CADM2: variants seen among roughly 807,000 people sequenced by gnomAD.
CADM2 encodes immunoglobulin superfamily member 4D.
A neutral mutation model predicts 49.8 loss-of-function variants in CADM2; 12 were observed. The observed-to-expected ratio is 0.24, with a 90% CI of 0.15 to 0.39. The LOEUF is 0.39. Among genes scored for constraint, CADM2 ranks in the 10% least tolerant of loss-of-function variants. CADM2 has a pLI of 1.00. For missense variants in CADM2, 378 were observed against 492.3 expected (o/e 0.77, Z 2.20); for synonymous variants, 214 against 175.4 (o/e 1.22, Z -1.74).
chr3:85,567,143 A>G (rs747873611), intron 1 of CADM2, among the ~76,000 whole-genome samples: 4 of 152,188 alleles, frequency 2.6e-5, no homozygotes, highest in Non-Finnish European at 4.4e-5. Context: ...AGTGTTGACA[A>G]TAAAATGGGT....
chr3:85,291,694 C>T (rs2043801915), intron 1 of CADM2, among the ~76,000 whole-genome samples: 1 of 146,638 alleles, frequency 6.8e-6, no homozygotes, highest in South Asian at 2.1e-4. Flanking sequence ...AACTAAGCTT[C>T]ATAAGTGAAG....
At chr3:86,014,210 A>G in intron 8 of CADM2, 1 of 1,294,896 alleles carries the variant, frequency 7.7e-7, no homozygotes. Flanking sequence ...CAAATATTAG[A>G]TGGAGTAACT....
chr3:85,327,939 A>C (rs1158913148), intron 1 of CADM2, among the ~76,000 whole-genome samples: 1 of 152,194 alleles, frequency 6.6e-6, no homozygotes, highest in Non-Finnish European at 1.5e-5. Flanking sequence ...TTAAACAGCT[A>C]AACCTTAAAC....
chr3:85,154,758 A>G (rs891632784), intron 1 of CADM2, among the ~76,000 whole-genome samples: 4 of 145,842 alleles, frequency 2.7e-5, no homozygotes, highest in African/African-American at 5.3e-5. Flanking sequence ...AAACCCTACA[A>G]GCCAGAAGAG....
intron 1 of CADM2, among the ~76,000 whole-genome samples, chr3:85,110,098 T>A (rs1403706266): frequency 6.6e-6 from 1 of 151,896 alleles, no homozygotes; most frequent in East Asian, 1.9e-4. Context: ...GTGCAGCAAT[T>A]TCATCCGAAG....
chr3:85,839,616 T>C (rs930133455), intron 3 of CADM2, among the ~76,000 whole-genome samples: 5 of 151,778 alleles, frequency 3.3e-5, no homozygotes, highest in South Asian at 2.1e-4. Flanking sequence ...TTCTATATAA[T>C]TGGCATTCAG....
chr3:85,237,628 A>G (rs1464187427), intron 1 of CADM2, among the ~76,000 whole-genome samples: 1 of 151,648 alleles, frequency 6.6e-6, no homozygotes, highest in Admixed American at 6.6e-5. Flanking sequence ...GGATAGTACA[A>G]AAATTCATAG....
chr3:85,625,890 A>T (rs2064116330), intron 1 of CADM2, among the ~76,000 whole-genome samples: 1 of 152,088 alleles, frequency 6.6e-6, no homozygotes, highest in Non-Finnish European at 1.5e-5. Context: ...AACACTACAA[A>T]CTGAGCGATA....
chr3:85,746,020 T>C (rs1178761256), intron 2 of CADM2, among the ~76,000 whole-genome samples: 6 of 152,140 alleles, frequency 3.9e-5, no homozygotes, highest in African/African-American at 1.2e-4. Flanking sequence ...TAAAAGAAGA[T>C]ACATAGTCAG....
chr3:85,621,678 TTG>T (rs1452969591), intron 1 of CADM2, among the ~76,000 whole-genome samples: 6 of 152,154 alleles, frequency 3.9e-5, no homozygotes, highest in African/African-American at 1.4e-4. Context: ...CTTCAACTCT[TTG>T]TTTTTCTTTT....
At chr3:85,608,766 T>G (rs1390971837) in intron 1 of CADM2, among the ~76,000 whole-genome samples, 3 of 152,148 alleles carry the variant, frequency 2.0e-5, no homozygotes, top group Non-Finnish European at 2.9e-5. Context: ...CCTGTTGTTT[T>G]GTTAGTAGTA....
chr3:85,726,459 A>C, intron 1 of CADM2, 63 bp from the exon 2 acceptor site: 2 of 1,574,602 alleles, frequency 1.3e-6, no homozygotes, highest in African/African-American at 1.3e-5. Flanking sequence ...CTTTCTTACT[A>C]GAGAATCTGT....
At chr3:86,027,443 A>G (rs926924975) in intron 8 of CADM2, among the ~76,000 whole-genome samples, 1 of 152,156 alleles carries the variant, frequency 6.6e-6, no homozygotes, top group African/African-American at 2.4e-5. Flanking sequence ...TGCATATTTT[A>G]TCATAAATCA....
Position 85,818,623 on chromosome 3 carries a change from T to C in CADM2, c.238+16427T>C, listed in dbSNP as rs2108169820. 2.0e-5 allele frequency among the ~76,000 whole-genome samples: 3 copies of C among 152,332 alleles called. No homozygotes were observed. In the South Asian group the frequency reaches 6.2e-4, roughly 32 times the overall value. Reference sequence around the variant, plus strand: ...CTGTATTATCTATAAATAATTTTGCTTCTGCCATTGAATAGCCCTAGCTAT... The same window carrying C: ...CTGTATTATCTATAAATAATTTTGCCTCTGCCATTGAATAGCCCTAGCTAT... On this transcript the variant is annotated intron_variant, in intron 3 of 9. Transcript: ENST00000383699.
chr3:85,093,405 G>A (rs554548163), intron 1 of CADM2, among the ~76,000 whole-genome samples: 6 of 151,844 alleles, frequency 4.0e-5, no homozygotes, highest in Admixed American at 1.3e-4. Context: ...CAGCTACTCG[G>A]GAGGCTGAGG....
At chr3:85,413,196 C>T (rs1342937134) in intron 1 of CADM2, among the ~76,000 whole-genome samples, 2 of 143,510 alleles carry the variant, frequency 1.4e-5, no homozygotes, top group East Asian at 2.0e-4. Flanking sequence ...ACACTGGAAG[C>T]TTTCTGACCC....
chr3:85,918,180 C>T (rs1182876795), intron 6 of CADM2, among the ~76,000 whole-genome samples: 1 of 152,136 alleles, frequency 6.6e-6, no homozygotes, highest in Non-Finnish European at 1.5e-5. Flanking sequence ...GCCAGAACTT[C>T]CAACACTATG....
chr3:85,503,151 AAT>A (rs2040187950), intron 1 of CADM2, among the ~76,000 whole-genome samples: 1 of 152,148 alleles, frequency 6.6e-6, no homozygotes, highest in African/African-American at 2.4e-5. Context: ...AATTCAGAAA[AAT>A]AGTGGAATTA....
rs1401581448 is a variant in CADM2, at chr3:85,191,420, G to T, written c.61+231752G>T. Among the ~76,000 whole-genome samples the T allele has an allele frequency of 2.0e-5, 3 of 152,144 alleles. No individual in the cohort carries two copies. The East Asian group carries it at 5.8e-4, about 29-fold the overall frequency. On this transcript the variant is annotated intron_variant, in intron 1 of 9. Coordinates refer to ENST00000383699, the MANE Select transcript of CADM2 (RefSeq NM_001167675.2). Reference sequence around the variant, plus strand: ...ACCATATGTCAGAGAAATTTTTAAAGGTTTTACTAATATTAATATTTAGTC... The same window carrying T: ...ACCATATGTCAGAGAAATTTTTAAATGTTTTACTAATATTAATATTTAGTC...
Sources: gnomAD v4.1 joint callset for allele counts (sites outside exome capture counted in the v4.1 genomes callset) on GRCh38, gnomAD v4.1.1 for gene constraint, MANE v1.5 for transcripts, NCBI Gene and HGNC (gene_info 2026-07-23, HGNC 2026-07-21) for gene names.